The following STK32B variants were observed in gnomAD, a reference collection of about 807,000 sequenced individuals.
STK32B encodes serine/threonine-protein kinase 32B.
In STK32B, 43 loss-of-function variants were observed where a neutral mutation model predicts 52.6. The observed-to-expected ratio is 0.82, with a 90% CI of 0.64 to 1.05. The LOEUF (loss-of-function observed/expected upper bound fraction) is 1.05. STK32B is among the 50% of genes least tolerant of loss of function. The probability of loss-of-function intolerance (pLI) is 0.00; values close to 1 mark genes in which losing one functional copy is unlikely to be tolerated. For missense variants in STK32B, 621 were observed against 534.6 expected (o/e 1.16, Z -1.59); for synonymous variants, 238 against 204.3 (o/e 1.17, Z -1.41).
At chr4:5,036,589 G>A in the STK32B span, among the ~76,000 whole-genome samples, 3 of 151,758 alleles carry the variant, frequency 2.0e-5, no homozygotes, top group South Asian at 2.1e-4. Context: ...GTATATTGAG[G>A]CAAAAGCGTC....
At chr4:5,283,935 A>G (rs965399367) in intron 3 of STK32B, among the ~76,000 whole-genome samples, 4 of 152,224 alleles carry the variant, frequency 2.6e-5, no homozygotes, top group African/African-American at 9.6e-5. Context: ...GGTATAAGTA[A>G]TATACTGCCA....
chr4:5,265,265 G>A (rs537092687), intron 3 of STK32B, among the ~76,000 whole-genome samples: 5 of 152,336 alleles, frequency 3.3e-5, no homozygotes, highest in East Asian at 1.9e-4. Context: ...GTGAGAACGC[G>A]TGGGTGTTTC....
chr4:5,214,669 C>T (rs1723086889), intron 3 of STK32B, among the ~76,000 whole-genome samples: 1 of 152,216 alleles, frequency 6.6e-6, no homozygotes, highest in Non-Finnish European at 1.5e-5. Flanking sequence ...TTAAAAATCA[C>T]TCATGATCTC....
At chr4:5,317,079 T>A (rs1459397643) in intron 3 of STK32B, among the ~76,000 whole-genome samples, 6 of 25,504 alleles carry the variant, frequency 2.4e-4, no homozygotes, top group African/African-American at 1.4e-3. Flanking sequence ...TATTATATAT[T>A]ATATATATAA....
chr4:5,156,762 G>A (rs1717886361), intron 2 of STK32B, among the ~76,000 whole-genome samples: 1 of 152,134 alleles, frequency 6.6e-6, no homozygotes, highest in East Asian at 1.9e-4. Context: ...ACATAAAATG[G>A]CAGAAAATGG....
chr4:5,054,248 C>A (rs1198697482), intron 1 of STK32B, among the ~76,000 whole-genome samples: 1 of 152,040 alleles, frequency 6.6e-6, no homozygotes, highest in African/African-American at 2.4e-5. Context: ...CAATTTGCTC[C>A]CAGAGCAAGT....
At chr4:5,446,556 C>T in intron 6 of STK32B, 117 bp from the exon 7 acceptor site, 1 of 815,950 alleles carries the variant, frequency 1.2e-6, no homozygotes. Context: ...AACTCTATCT[C>T]AAAAAAAAAC....
At chr4:5,438,248 G>A (rs1298109721) in intron 6 of STK32B, among the ~76,000 whole-genome samples, 2 of 152,248 alleles carry the variant, frequency 1.3e-5, no homozygotes, top group East Asian at 3.8e-4. Flanking sequence ...GGAAGTCCCT[G>A]TAGGCTGAAG....
At chr4:5,124,014 C>T (rs1297898231) in intron 1 of STK32B, among the ~76,000 whole-genome samples, 4 of 152,154 alleles carry the variant, frequency 2.6e-5, no homozygotes, top group African/African-American at 7.2e-5. Flanking sequence ...ACACCTGTGA[C>T]CTCTGTTTTA....
At chr4:5,136,774 T>A (rs1332723224) in intron 1 of STK32B, among the ~76,000 whole-genome samples, 1 of 152,216 alleles carries the variant, frequency 6.6e-6, no homozygotes, top group African/African-American at 2.4e-5. Flanking sequence ...AAGTGTTAAC[T>A]TTTCACTTAT....
At chr4:5,144,358 CA>C (rs2108837750) in intron 2 of STK32B, among the ~76,000 whole-genome samples, 1 of 152,262 alleles carries the variant, frequency 6.6e-6, no homozygotes, top group African/African-American at 2.4e-5. Flanking sequence ...ACCTGATATT[CA>C]ATAAATGTTG....
intron 3 of STK32B, among the ~76,000 whole-genome samples, chr4:5,169,835 A>G (rs1459795324): frequency 6.6e-6 from 1 of 152,216 alleles, no homozygotes; most frequent in Non-Finnish European, 1.5e-5. Context: ...AAAATTACCC[A>G]GAAGCTCTTC....
chr4:5,245,735 G>T (rs187820295), intron 3 of STK32B, among the ~76,000 whole-genome samples: 5 of 152,126 alleles, frequency 3.3e-5, no homozygotes, highest in African/African-American at 1.2e-4. Context: ...CATGTTTAGT[G>T]CTTCCTTCAG....
At chr4:5,252,932 G>T (rs575854795) in intron 3 of STK32B, among the ~76,000 whole-genome samples, 87 of 151,996 alleles carry the variant, frequency 5.7e-4, no homozygotes, top group Admixed American at 1.6e-3. Context: ...GTTGTAACCC[G>T]CTCACTGTGC....
At chr4:5,065,560 G>A (rs1039084533) in intron 1 of STK32B, among the ~76,000 whole-genome samples, 4 of 152,136 alleles carry the variant, frequency 2.6e-5, no homozygotes, top group South Asian at 2.1e-4. Context: ...TTCTCACTCC[G>A]ATCTTGCAGT....
intron 3 of STK32B, among the ~76,000 whole-genome samples, chr4:5,306,283 T>A (rs28505705): frequency 0.073 from 11,131 of 152,238 alleles, 440 homozygotes; most frequent in South Asian, 0.099. Flanking sequence ...TGATGACCTT[T>A]CTAGTGCTGT....
chr4:5,257,535 T>C (rs1003453081), intron 3 of STK32B, among the ~76,000 whole-genome samples: 1 of 152,204 alleles, frequency 6.6e-6, no homozygotes, highest in Non-Finnish European at 1.5e-5. Context: ...TCTTCTTGCT[T>C]CTACCCTTGG....
In STK32B at chr4:5,228,734, G is replaced by A. The variant is rs913856025; in HGVS notation, c.260+60284G>A. On this transcript the variant is annotated intron_variant, in intron 3 of 11. Transcript: ENST00000282908. The stretch of plus-strand genomic sequence containing the variant: ...TGTAATCCTAGCACTTTGGGAGGCC[G>A]AAAAGGGTGGATCACCTGAGGTCAA... Among the ~76,000 whole-genome samples the A allele has an allele frequency of 3.3e-5, 5 of 152,252 alleles. No homozygotes were observed. The East Asian group carries it at 7.7e-4, about 23-fold the overall frequency.
chr4:5,391,408 T>A (rs79359055), intron 4 of STK32B, among the ~76,000 whole-genome samples: 1 of 152,180 alleles, frequency 6.6e-6, no homozygotes, highest in African/African-American at 2.4e-5. Flanking sequence ...CTGGCACATA[T>A]AGACACACAC....
Sources: allele counts gnomAD v4.1 joint callset (sites outside exome capture counted in the v4.1 genomes callset), GRCh38; gene constraint gnomAD v4.1.1; transcripts MANE v1.5; gene names NCBI Gene and HGNC (gene_info 2026-07-23, HGNC 2026-07-21).